The following SLC9C1 variants were observed in gnomAD, a reference collection of about 807,000 sequenced individuals.
SLC9C1 encodes the protein solute carrier family 9 member C1, also known as sodium/hydrogen exchanger 10.
SLC9C1 carries 97 observed loss-of-function variants against 140.9 expected under a neutral mutation model. The observed-to-expected ratio is 0.69, with a 90% CI of 0.58 to 0.82. SLC9C1 has a LOEUF of 0.82. Ranked by LOEUF, SLC9C1 falls within the 40% of genes least tolerant of loss-of-function variation. The pLI, the probability that SLC9C1 is intolerant of heterozygous loss-of-function variation, is 0.00. For synonymous variants in SLC9C1, 440 were observed against 442.6 expected (o/e 0.99, Z 0.07); for missense variants, 1,340 against 1,389.3 (o/e 0.96, Z 0.56).
At chr3:112,175,939 ACCACGGTCCTGCAGAC>A (rs530855414) in intron 23 of SLC9C1, among the ~76,000 whole-genome samples, 37 of 152,258 alleles carry the variant, frequency 2.4e-4, no homozygotes, top group Non-Finnish European at 4.4e-4. Context: ...CATGTGATGT[ACCACGGTCCTGCAGAC>A]CATCATTGGT....
At chr3:112,221,347 A>G (rs2078536941) in intron 13 of SLC9C1, 122 bp from the exon 14 acceptor site, 5 of 834,048 alleles carry the variant, frequency 6.0e-6, no homozygotes, top group Non-Finnish European at 9.3e-6. Flanking sequence ...GTTTGTAAAA[A>G]GAATATTTCT....
intron 23 of SLC9C1, among the ~76,000 whole-genome samples, chr3:112,172,904 T>C (rs2077272080): frequency 6.6e-6 from 1 of 152,164 alleles, no homozygotes; most frequent in Admixed American, 6.5e-5. Context: ...TTATTTAGTT[T>C]TGATGTCTAA....
chr3:112,164,314 T>G (rs1370212160), intron 26 of SLC9C1, among the ~76,000 whole-genome samples: 2 of 148,318 alleles, frequency 1.3e-5, no homozygotes, highest in African/African-American at 5.2e-5. Flanking sequence ...ATCCTGTCAT[T>G]ATGATGTTAG....
chr3:112,173,342 G>T (rs147131898), intron 23 of SLC9C1, among the ~76,000 whole-genome samples: 1 of 152,038 alleles, frequency 6.6e-6, no homozygotes, highest in East Asian at 1.9e-4. Flanking sequence ...ATTACATTTC[G>T]CAGGGATCTG....
At chr3:112,251,363 C>T (rs1006094728) in intron 10 of SLC9C1, among the ~76,000 whole-genome samples, 1 of 151,430 alleles carries the variant, frequency 6.6e-6, no homozygotes, top group African/African-American at 2.4e-5. Flanking sequence ...TTGCAACCCT[C>T]AGGTCAGGAA....
chr3:112,245,172 A>C (rs2108234757), intron 10 of SLC9C1, among the ~76,000 whole-genome samples: 1 of 152,316 alleles, frequency 6.6e-6, no homozygotes, highest in South Asian at 2.1e-4. Context: ...GTATAAATTA[A>C]ATAGCATATG....
chr3:112,283,785 G>A (rs991638490), intron 2 of SLC9C1, among the ~76,000 whole-genome samples: 1 of 136,964 alleles, frequency 7.3e-6, no homozygotes, highest in East Asian at 2.4e-4. Context: ...CATGACCACA[G>A]TATTGAGAAA....
chr3:112,281,296 T>G (rs2080351061), intron 2 of SLC9C1, among the ~76,000 whole-genome samples: 1 of 152,186 alleles, frequency 6.6e-6, no homozygotes, highest in African/African-American at 2.4e-5. Context: ...AGGCTGAGCC[T>G]GAGAATGCAA....
intron 20 of SLC9C1, among the ~76,000 whole-genome samples, chr3:112,188,767 G>T (rs1462658933): frequency 6.6e-6 from 1 of 152,068 alleles, no homozygotes; most frequent in Non-Finnish European, 1.5e-5. Flanking sequence ...GGGATGGCTG[G>T]GTCAAATGAT....
At chr3:112,218,019 T>A (rs924721563) in intron 14 of SLC9C1, among the ~76,000 whole-genome samples, 1 of 152,126 alleles carries the variant, frequency 6.6e-6, no homozygotes, top group Non-Finnish European at 1.5e-5. Flanking sequence ...ATATCACACA[T>A]CTTCCCATCT....
chr3:112,246,542 A>C (rs1352566987), intron 10 of SLC9C1, among the ~76,000 whole-genome samples: 1 of 152,190 alleles, frequency 6.6e-6, no homozygotes, highest in Non-Finnish European at 1.5e-5. Context: ...TATGTTAGAA[A>C]GTCTGCCCTA....
chr3:112,206,960 G>T (rs1026153841), intron 16 of SLC9C1, among the ~76,000 whole-genome samples: 1 of 152,020 alleles, frequency 6.6e-6, no homozygotes, highest in South Asian at 2.1e-4. Flanking sequence ...AAACCTGCAC[G>T]TTGTGCACAT....
intron 2 of SLC9C1, 36 bp downstream of exon 2, chr3:112,286,668 A>G: frequency 1.3e-6 from 2 of 1,521,292 alleles, no homozygotes; most frequent in Non-Finnish European, 1.8e-6. Flanking sequence ...GATGTACCGG[A>G]AGAATAAACT....
At chr3:112,153,747 C>T (rs911701174) in intron 27 of SLC9C1, among the ~76,000 whole-genome samples, 19 of 152,180 alleles carry the variant, frequency 1.2e-4, no homozygotes, top group Middle Eastern at 3.4e-3. Context: ...AAAAATTTGC[C>T]GAAGGTCACG....
rs9880461 is a variant in SLC9C1, at chr3:112,241,663, G to A, written c.1280-1657C>T. 1.0e-2 allele frequency among the ~76,000 whole-genome samples: 1,514 copies of A among 152,156 alleles called. 25 individuals are homozygous for A. Among genetic ancestry groups the A allele is most frequent in the African/African-American group, 0.034 (1,410 of 41,538 alleles). On this transcript the variant is annotated intron_variant, in intron 11 of 28. Coordinates refer to ENST00000305815, the MANE Select transcript of SLC9C1 (RefSeq NM_183061.3). ...CAATGCAATCCTAAGCAAACAGAAC[G>A]AAGCCAGAAGCATCACACTACTTGA...
At chr3:112,204,999 C>T (rs755249334) in intron 16 of SLC9C1, among the ~76,000 whole-genome samples, 8 of 151,752 alleles carry the variant, frequency 5.3e-5, no homozygotes, top group Non-Finnish European at 7.4e-5. Flanking sequence ...CAAAAAAATT[C>T]GATGCCCTCT....
chr3:112,245,058 A>G (rs2079242158), intron 10 of SLC9C1, among the ~76,000 whole-genome samples: 1 of 152,222 alleles, frequency 6.6e-6, no homozygotes, highest in South Asian at 2.1e-4. Context: ...CACATCCCCA[A>G]AATTTCTCTA....
intron 15 of SLC9C1, among the ~76,000 whole-genome samples, chr3:112,216,644 A>G (rs866994308): frequency 9.9e-5 from 15 of 152,234 alleles, no homozygotes; most frequent in South Asian, 4.1e-4. Context: ...ATGCAAATCA[A>G]AATCACAATG....
intron 10 of SLC9C1, 64 bp from the exon 11 acceptor site, chr3:112,244,140 ACCAATATAAATTAAGCTATTTT>A (rs1362126018): frequency 1.0e-6 from 1 of 983,126 alleles, no homozygotes; most frequent in Non-Finnish European, 1.5e-6. Flanking sequence ...GCCTATATTT[ACCAATATAAATTAAGCTATTTT>A]CCAATATAAA....
Sources: allele counts gnomAD v4.1 joint callset (sites outside exome capture counted in the v4.1 genomes callset), GRCh38; gene constraint gnomAD v4.1.1; transcripts MANE v1.5; gene names NCBI Gene and HGNC (gene_info 2026-07-23, HGNC 2026-07-21).